The following PEX5L variants were observed in gnomAD, a reference collection of about 807,000 sequenced individuals.
PEX5L encodes peroxisomal biogenesis factor 5 like, also known as PEX5-related protein.
A neutral mutation model predicts 84.0 loss-of-function variants in PEX5L; 30 were observed. That is an observed-to-expected ratio of 0.36 (90% confidence interval 0.27 to 0.48). PEX5L has a LOEUF of 0.48. PEX5L is among the 20% of genes least tolerant of loss of function. PEX5L has a pLI of 0.99. For synonymous variants in PEX5L, 270 were observed against 283.1 expected, an observed-to-expected ratio of 0.95 and a Z score of 0.46; for missense variants, 533 against 754.6, an observed-to-expected ratio of 0.71 and a Z score of 3.44.
intron 5 of PEX5L, among the ~76,000 whole-genome samples, chr3:179,878,806 T>G (rs1267607377): frequency 6.6e-6 from 1 of 152,220 alleles, no homozygotes; most frequent in African/African-American, 2.4e-5. Flanking sequence ...CTTTCATTGC[T>G]ACATATAGTT....
At chr3:179,964,560 T>C (rs1782859504) in intron 2 of PEX5L, among the ~76,000 whole-genome samples, 1 of 151,958 alleles carries the variant, frequency 6.6e-6, no homozygotes, top group Admixed American at 6.6e-5. Context: ...CTCACGAAGG[T>C]CTAATACCCA....
rs138708368 is a variant in PEX5L at position 179,920,564 on chromosome 3, G to A, written c.94-22318C>T. On this transcript the variant is annotated intron_variant, in intron 2 of 14. Coordinates refer to ENST00000467460, the MANE Select transcript of PEX5L (RefSeq NM_016559.3). ...TGAACCTTACGTGTTTGATCTCCTC[G>A]CAAAAATCTTACAAAATAAAGGTAT... 8.3e-3 allele frequency among the ~76,000 whole-genome samples: 1,267 copies of A among 152,114 alleles called. 9 individuals are homozygous for A. Among genetic ancestry groups the A allele is most frequent in the Non-Finnish European group, 0.013 (912 of 67,988 alleles).
chr3:179,854,312 G>A (rs1743078515), intron 8 of PEX5L, among the ~76,000 whole-genome samples: 1 of 151,896 alleles, frequency 6.6e-6, no homozygotes, highest in African/African-American at 2.4e-5. Flanking sequence ...TGTGGTTTTA[G>A]TTGTCTTTTC....
chr3:179,966,731 G>C (rs1445003155), intron 2 of PEX5L, among the ~76,000 whole-genome samples: 2 of 152,188 alleles, frequency 1.3e-5, no homozygotes, highest in Non-Finnish European at 2.9e-5. Context: ...GGAGACACAA[G>C]GGTGAGGTTA....
chr3:179,988,455 T>TA (rs1253936389), intron 1 of PEX5L, among the ~76,000 whole-genome samples: 1 of 151,778 alleles, frequency 6.6e-6, no homozygotes, highest in Non-Finnish European at 1.5e-5. Flanking sequence ...CATTGTTAAT[T>TA]AAAGCAAGAA....
chr3:179,931,215 T>C (rs924451426), intron 2 of PEX5L, among the ~76,000 whole-genome samples: 2 of 152,230 alleles, frequency 1.3e-5, no homozygotes, highest in Non-Finnish European at 1.5e-5. Context: ...TAGAGTCGAA[T>C]TGGTGCCAGT....
At chr3:179,855,245 T>C (rs1364751928) in intron 8 of PEX5L, among the ~76,000 whole-genome samples, 2 of 152,180 alleles carry the variant, frequency 1.3e-5, no homozygotes, top group African/African-American at 4.8e-5. Context: ...AGGAAGAACG[T>C]TGGAATCAGA....
intron 2 of PEX5L, among the ~76,000 whole-genome samples, chr3:179,900,982 C>A (rs80267994): frequency 4.7e-4 from 71 of 152,250 alleles, no homozygotes; most frequent in African/African-American, 1.6e-3. Flanking sequence ...AATCAAATTG[C>A]CTCCTCCACC....
At chr3:179,847,148 A>G (rs1275288575) in intron 8 of PEX5L, among the ~76,000 whole-genome samples, 1 of 151,166 alleles carries the variant, frequency 6.6e-6, no homozygotes, top group East Asian at 1.9e-4. Flanking sequence ...GTCTGTATAT[A>G]TTGATATATC....
At chr3:179,959,235 G>A (rs938525102) in intron 2 of PEX5L, among the ~76,000 whole-genome samples, 1 of 152,064 alleles carries the variant, frequency 6.6e-6, no homozygotes, top group South Asian at 2.1e-4. Flanking sequence ...CAAAGCCCAC[G>A]TCTCCTCCTG....
At chr3:179,991,733 T>G (rs907006939) in intron 1 of PEX5L, among the ~76,000 whole-genome samples, 7 of 152,224 alleles carry the variant, frequency 4.6e-5, no homozygotes, top group African/African-American at 1.7e-4. Flanking sequence ...TAAACAGGCA[T>G]AGCTCTTCTT....
intron 1 of PEX5L, among the ~76,000 whole-genome samples, chr3:179,978,148 G>T (rs1263303196): frequency 6.6e-6 from 1 of 152,142 alleles, no homozygotes; most frequent in East Asian, 1.9e-4. Flanking sequence ...TAACTAGCTG[G>T]ATAATAAGAT....
intron 1 of PEX5L, among the ~76,000 whole-genome samples, chr3:180,000,491 C>T (rs1006702629): frequency 1.3e-5 from 2 of 152,060 alleles, no homozygotes; most frequent in Admixed American, 6.6e-5. Flanking sequence ...GGTCACTCCT[C>T]CAGGAAAAAA....
intron 1 of PEX5L, 103 bp downstream of exon 1, chr3:180,036,476 T>C: frequency 1.9e-6 from 2 of 1,069,838 alleles, no homozygotes; most frequent in South Asian, 1.3e-5. Context: ...ACTTCACTTG[T>C]TGAGCTGTGC....
At chr3:179,832,035 A>G (rs1560283312) in intron 8 of PEX5L, among the ~76,000 whole-genome samples, 1 of 152,184 alleles carries the variant, frequency 6.6e-6, no homozygotes, top group Admixed American at 6.5e-5. Flanking sequence ...AATGGAGTAC[A>G]TAGGGCATTC....
At chr3:179,868,713 C>G (rs1749240575) in intron 7 of PEX5L, among the ~76,000 whole-genome samples, 2 of 152,098 alleles carry the variant, frequency 1.3e-5, no homozygotes. Context: ...CTCTGAGACT[C>G]CTACCTGCCA....
chr3:180,012,375 A>G (rs7648641), intron 1 of PEX5L, among the ~76,000 whole-genome samples: 6,884 of 149,364 alleles, frequency 0.046, 542 homozygotes, highest in African/African-American at 0.16. Flanking sequence ...GTATTTTTGT[A>G]TTCTTGCTTT....
At chr3:179,973,674 C>A (rs963928876) in intron 1 of PEX5L, 1 of 985,286 alleles carries the variant, frequency 1.0e-6, no homozygotes, top group Non-Finnish European at 1.2e-6. Context: ...ACTCACAGAA[C>A]ATCATTCGAA....
intron 8 of PEX5L, among the ~76,000 whole-genome samples, chr3:179,831,985 A>C (rs1733154878): frequency 6.6e-6 from 1 of 152,168 alleles, no homozygotes; most frequent in Non-Finnish European, 1.5e-5. Flanking sequence ...CATTGTTTAG[A>C]TCGGTGTTTT....
Sources: allele counts gnomAD v4.1 joint callset (sites outside exome capture counted in the v4.1 genomes callset), GRCh38; gene constraint gnomAD v4.1.1; transcripts MANE v1.5; gene names NCBI Gene and HGNC (gene_info 2026-07-23, HGNC 2026-07-21).